Variants in NINL observed in about 807,000 individuals in gnomAD.
The protein encoded by NINL is ninein-like protein.
A neutral mutation model predicts 160.3 loss-of-function variants in NINL; 153 were observed. That is an observed-to-expected ratio of 0.95 (90% CI 0.84 to 1.09). NINL has a LOEUF of 1.09. NINL is among the 50% of genes least tolerant of loss of function. The pLI, the probability that NINL is intolerant of heterozygous loss-of-function variation, is 0.00. For synonymous variants in NINL, 800 were observed against 734.8 expected, an observed-to-expected ratio of 1.09 and a Z score of -1.43; for missense variants, 1,829 against 1,764.0, an observed-to-expected ratio of 1.04 and a Z score of -0.66.
chr20:25,554,160 G>A (rs952796459), intron 1 of NINL, among the ~76,000 whole-genome samples: 1 of 152,156 alleles, frequency 6.6e-6, no homozygotes, highest in African/African-American at 2.4e-5. Context: ...GAGGTGTGTC[G>A]AGGCAACAAG....
rs1310262550 is a variant in NINL, at chr20:25,575,699, C to T, written c.-12+9756G>A. ...CCAGGAGGCAAAGGTTGCAGTGAGC[C>T]GAGATCGCGCCATCCAGCCTGGGCG... On this transcript the variant is annotated intron_variant, in intron 1 of 23. Coordinates refer to ENST00000278886, the MANE Select transcript of NINL (RefSeq NM_025176.6). Among the ~76,000 whole-genome samples, 6 of 151,224 alleles carry T rather than the reference C, an allele frequency of 4.0e-5. No individual in the cohort carries two copies. In the East Asian group the frequency reaches 5.9e-4, roughly 15 times the overall value.
chr20:25,470,190 G>A lies in NINL; in HGVS notation c.3249-95C>T, dbSNP rs775983560. 3.0e-5 allele frequency: 27 copies of A among 901,552 alleles called. 1 individual carries two copies. Among genetic ancestry groups the A allele is most frequent in the South Asian group, 1.5e-4 (11 of 73,128 alleles). 55.8% of individuals were successfully genotyped at this position (901,552 alleles called of 1,614,324 possible). On this transcript the variant is annotated intron_variant, in intron 17 of 23. Coordinates refer to ENST00000278886, the MANE Select transcript of NINL (RefSeq NM_025176.6). ...CAGCGGGGAGTCCTGAGAACTGTGC[G>A]TCCCCATCTCCCCGTCCCTGGAGGT...
At chr20:25,505,204 G>T in intron 5 of NINL, 126 bp from the exon 6 acceptor site, 1 of 864,054 alleles carries the variant, frequency 1.2e-6, no homozygotes, top group Non-Finnish European at 1.7e-6. Context: ...ATTACGCTAA[G>T]TGAAATTAGC....
intron 19 of NINL, among the ~76,000 whole-genome samples, chr20:25,464,262 C>T (rs187326610): frequency 1.3e-5 from 2 of 152,218 alleles, no homozygotes; most frequent in East Asian, 3.9e-4. Flanking sequence ...ACTAAAAATA[C>T]AAAAATTAGC....
At chr20:25,555,446 T>C (rs1372770806) in intron 1 of NINL, among the ~76,000 whole-genome samples, 1 of 152,228 alleles carries the variant, frequency 6.6e-6, no homozygotes, top group East Asian at 1.9e-4. Flanking sequence ...TTTTAACACA[T>C]TTACTCTACG....
intron 3 of NINL, among the ~76,000 whole-genome samples, chr20:25,517,132 A>G (rs1364998273): frequency 6.6e-6 from 1 of 151,790 alleles, no homozygotes; most frequent in Non-Finnish European, 1.5e-5. Context: ...TCTGTCCCAA[A>G]CCCTGTGACA....
intron 16 of NINL, 44 bp downstream of exon 16, chr20:25,478,879 G>C: frequency 6.8e-7 from 1 of 1,478,552 alleles, no homozygotes; most frequent in South Asian, 1.4e-5. Context: ...TTGGTTCTTG[G>C]CAAGAAACCC....
chr20:25,476,045 G>A lies in NINL; in HGVS notation c.3246C>T (p.Asp1082=), dbSNP rs2063223541. 5.6e-6 allele frequency: 9 copies of A among 1,612,672 alleles called. No individual in the cohort carries two copies. Among genetic ancestry groups the A allele is most frequent in the South Asian group, 1.1e-5 (1 of 90,820 alleles). The part of the protein sequence containing the change: ...LEKHVDLREN[D]RLEFHRLSEE... Reference sequence around the variant, plus strand: ...TTAAGAATGAGTAGAAGGCAAACCTGTCGTTCTCTCTCAAATCTACATGTT... The same window carrying A: ...TTAAGAATGAGTAGAAGGCAAACCTATCGTTCTCTCTCAAATCTACATGTT... The change falls in exon 17 of 24, where the codon GAC becomes GAT. Residue 1082 remains aspartate (D), a splice_region_variant and synonymous_variant. Coordinates refer to ENST00000278886, the MANE Select transcript of NINL (RefSeq NM_025176.6).
chr20:25,550,467 C>T (rs6050677), intron 1 of NINL, among the ~76,000 whole-genome samples: 9 of 152,102 alleles, frequency 5.9e-5, no homozygotes, highest in African/African-American at 2.2e-4. Context: ...GGGACCGGCG[C>T]TCCGCAAGCA....
intron 1 of NINL, among the ~76,000 whole-genome samples, chr20:25,530,223 G>A (rs1039591211): frequency 6.6e-6 from 1 of 152,162 alleles, no homozygotes; most frequent in African/African-American, 2.4e-5. Flanking sequence ...TAGAACAGAT[G>A]GGCGGTGAGG....
chr20:25,568,334 A>G (rs575292778), intron 1 of NINL, among the ~76,000 whole-genome samples: 1 of 152,086 alleles, frequency 6.6e-6, no homozygotes, highest in East Asian at 1.9e-4. Flanking sequence ...ATTATTTAGG[A>G]GTACTAAATA....
chr20:25,497,887 A>G (rs757968159), intron 9 of NINL, among the ~76,000 whole-genome samples: 2 of 152,140 alleles, frequency 1.3e-5, no homozygotes, highest in Non-Finnish European at 2.9e-5. Context: ...AAGCACCTCA[A>G]CAAGTGGGAG....
chr20:25,476,633 T>G lies in NINL; in HGVS notation c.2658A>C (p.Glu886Asp). The change falls in exon 17 of 24, where the codon GAA (glutamate) becomes GAC (aspartate). Residue 886 changes from glutamate (E) to aspartate (D), a missense_variant. Physicochemically the swap from Glu to Asp is conservative, Grantham distance 45. Transcript: ENST00000278886. ...GPRRRQAQDTEATQSPAPAPA... is the reference protein window; with the variant it reads ...GPRRRQAQDTDATQSPAPAPA... ...GGGCGGGGGCCGGGCTCTGCGTAGC[T>G]TCTGTGTCCTGGGCTTGCCTGCGGC... 1.9e-6 allele frequency: 3 copies of G among 1,592,152 alleles called. No homozygotes were observed. Among genetic ancestry groups the G allele is most frequent in the Non-Finnish European group, 2.6e-6 (3 of 1,175,860 alleles).
intron 17 of NINL, among the ~76,000 whole-genome samples, chr20:25,470,417 C>T (rs1205744056): frequency 6.6e-6 from 1 of 152,220 alleles, no homozygotes; most frequent in South Asian, 2.1e-4. Context: ...TCTCACCAAA[C>T]GTGTGTCCTG....
At position 25,478,951 on chromosome 20, in the gene NINL, G is replaced by A. The variant is rs775304774; in HGVS notation, c.2173C>T (p.Arg725Trp). 1.4e-5 allele frequency: 22 copies of A among 1,564,342 alleles called. No individual in the cohort carries two copies. Among genetic ancestry groups the A allele is most frequent in the South Asian group, 3.4e-5 (3 of 87,914 alleles). The change falls in exon 16 of 24, where the codon CGG (arginine) becomes TGG (tryptophan). Residue 725 changes from arginine to tryptophan, a missense_variant. By Grantham distance (101) the Arg-to-Trp change is moderately radical. Coordinates refer to ENST00000278886, the MANE Select transcript of NINL (RefSeq NM_025176.6). ...CTQALCGLAL[R>W]HHSHLQQIRR... ...ATCTGCTGCAGGTGGCTGTGATGCCGCAGGGCCAGGCCACACAGTGCCTGG... is the reference window on the plus strand; with the variant it reads ...ATCTGCTGCAGGTGGCTGTGATGCCACAGGGCCAGGCCACACAGTGCCTGG...
In NINL at chr20:25,453,436, G is replaced by T. The variant is rs763574043; in HGVS notation, c.*15C>A. On this transcript the variant is annotated 3_prime_UTR_variant, in exon 24 of 24. Coordinates refer to ENST00000278886, the MANE Select transcript of NINL (RefSeq NM_025176.6). ...AAGATGTGCTTTCGAATGAATCCTA[G>T]AAAATAATCTGTCTTTACACAGAGA... 7 of 1,576,330 alleles carry T rather than the reference G, an allele frequency of 4.4e-6. No homozygotes were observed. Among genetic ancestry groups the T allele is most frequent in the Admixed American group, 1.8e-5 (1 of 54,368 alleles).
At chr20:25,582,884 G>C (rs910146697) in intron 1 of NINL, among the ~76,000 whole-genome samples, 2 of 152,078 alleles carry the variant, frequency 1.3e-5, no homozygotes, top group Admixed American at 1.3e-4. Flanking sequence ...AATGGGGAAA[G>C]GATTTCCTAT....
intron 3 of NINL, among the ~76,000 whole-genome samples, chr20:25,514,881 C>T (rs1256628072): frequency 6.6e-6 from 1 of 152,228 alleles, no homozygotes; most frequent in Non-Finnish European, 1.5e-5. Flanking sequence ...AGAGTTGAGG[C>T]TTGGGAGCTT....
chr20:25,559,887 G>T (rs752039109), intron 1 of NINL, among the ~76,000 whole-genome samples: 1 of 151,872 alleles, frequency 6.6e-6, no homozygotes, highest in Non-Finnish European at 1.5e-5. Flanking sequence ...GATTACAGGC[G>T]TGAGCCAGCA....
Sources: allele counts gnomAD v4.1 joint callset (sites outside exome capture counted in the v4.1 genomes callset), GRCh38; gene constraint gnomAD v4.1.1; transcripts MANE v1.5; gene names NCBI Gene and HGNC (gene_info 2026-07-23, HGNC 2026-07-21).